RFX3: variants seen among roughly 807,000 people sequenced by gnomAD.
RFX3 encodes regulatory factor X3.
A neutral mutation model predicts 98.6 loss-of-function variants in RFX3; 14 were observed. The observed-to-expected ratio is 0.14, with a 90% confidence interval of 0.09 to 0.22. RFX3 has a LOEUF of 0.22. Ranked by LOEUF, RFX3 falls within the 10% of genes least tolerant of loss-of-function variation. The probability of loss-of-function intolerance (pLI) is 1.00; values close to 1 mark genes in which losing one functional copy is unlikely to be tolerated. For synonymous variants in RFX3, 383 were observed against 328.4 expected (o/e 1.17, Z -1.80); for missense variants, 639 against 926.9 (o/e 0.69, Z 4.03).
rs1036195078 is a variant in RFX3, at chr9:3,316,907, T to G, written c.474+13352A>C. On this transcript the variant is annotated intron_variant, in intron 4 of 16. Transcript: ENST00000617270. ...TGGAAGAATATTCCATAACCATGGA[T>G]AGGAAGAATCAATATCGTGAAAATG... is the stretch of plus-strand genomic sequence containing the variant. Among the ~76,000 whole-genome samples the G allele has an allele frequency of 3.9e-5, 6 of 152,226 alleles. No individual in the cohort carries two copies. In the South Asian group the frequency reaches 6.2e-4, roughly 16 times the overall value.
intron 2 of RFX3, among the ~76,000 whole-genome samples, chr9:3,393,456 T>C (rs989835820): frequency 1.3e-5 from 2 of 152,174 alleles, no homozygotes; most frequent in African/African-American, 4.8e-5. Flanking sequence ...CACACTCTTG[T>C]TAGTGATAGG....
At chr9:3,465,753 A>C (rs930660508) in intron 1 of RFX3, among the ~76,000 whole-genome samples, 1 of 152,184 alleles carries the variant, frequency 6.6e-6, no homozygotes, top group Non-Finnish European at 1.5e-5. Flanking sequence ...TAATAATACA[A>C]GATACTATAT....
chr9:3,470,564 T>C (rs986523478), intron 1 of RFX3, among the ~76,000 whole-genome samples: 1 of 151,968 alleles, frequency 6.6e-6, no homozygotes, highest in Non-Finnish European at 1.5e-5. Flanking sequence ...CCTGACCTCG[T>C]GATCCGCCCG....
intron 4 of RFX3, among the ~76,000 whole-genome samples, chr9:3,329,154 C>T (rs1005469822): frequency 6.6e-6 from 1 of 152,010 alleles, no homozygotes; most frequent in African/African-American, 2.4e-5. Flanking sequence ...TGCCTGTAAT[C>T]CCAGCACTTT....
chr9:3,313,323 C>A (rs1317339933), intron 4 of RFX3, among the ~76,000 whole-genome samples: 3 of 152,152 alleles, frequency 2.0e-5, no homozygotes, highest in African/African-American at 4.8e-5. Flanking sequence ...AGAAGGAAAA[C>A]TAACAAACAG....
At chr9:3,504,285 TA>T (rs1323648394) in intron 1 of RFX3, among the ~76,000 whole-genome samples, 42 of 107,358 alleles carry the variant, frequency 3.9e-4, no homozygotes, top group African/African-American at 1.6e-3. Flanking sequence ...ATATAACATA[TA>T]AAATATATAT....
chr9:3,356,941 A>G (rs1452309893), intron 2 of RFX3, among the ~76,000 whole-genome samples: 4 of 142,228 alleles, frequency 2.8e-5, no homozygotes, highest in Non-Finnish European at 6.0e-5. Flanking sequence ...TCATGATTAA[A>G]CACACACACA....
intron 3 of RFX3, 101 bp from the exon 4 acceptor site, chr9:3,330,618 C>T: frequency 9.0e-7 from 1 of 1,110,894 alleles, no homozygotes. Context: ...GTTGGCTTAG[C>T]CTTTGCAACA....
chr9:3,250,624 T>C (rs1041069206), intron 14 of RFX3, among the ~76,000 whole-genome samples: 2 of 152,026 alleles, frequency 1.3e-5, no homozygotes, highest in African/African-American at 2.4e-5. Flanking sequence ...TGACCAAAGA[T>C]AGTCACAACT....
At chr9:3,442,325 G>T (rs1042208944) in intron 1 of RFX3, among the ~76,000 whole-genome samples, 1 of 151,640 alleles carries the variant, frequency 6.6e-6, no homozygotes, top group African/African-American at 2.4e-5. Flanking sequence ...GATGAGAAAG[G>T]CACCTCTCCC....
At chr9:3,300,932 C>A (rs1326643749) in intron 5 of RFX3, among the ~76,000 whole-genome samples, 1 of 151,794 alleles carries the variant, frequency 6.6e-6, no homozygotes, top group Non-Finnish European at 1.5e-5. Context: ...AGCTTCAGGG[C>A]ATAGTAATGG....
At chr9:3,476,413 C>A (rs1225029404) in intron 1 of RFX3, among the ~76,000 whole-genome samples, 1 of 151,954 alleles carries the variant, frequency 6.6e-6, no homozygotes, top group Non-Finnish European at 1.5e-5. Flanking sequence ...TGGAAGGTAG[C>A]TAGTTTATCA....
intron 2 of RFX3, among the ~76,000 whole-genome samples, chr9:3,366,693 CCTTTCTTT>C (rs1202997871): frequency 0.078 from 6,672 of 85,410 alleles, 258 homozygotes; most frequent in East Asian, 0.092. Context: ...TTCTTTCTTT[CCTTTCTTT>C]CTTTCTTTCT....
intron 1 of RFX3, among the ~76,000 whole-genome samples, chr9:3,421,232 C>G (rs13297034): frequency 2.0e-5 from 3 of 151,876 alleles, no homozygotes; most frequent in Non-Finnish European, 2.9e-5. Context: ...GTTTACAGTA[C>G]GTTCTGAACT....
intron 4 of RFX3, among the ~76,000 whole-genome samples, chr9:3,309,159 T>C (rs1265284736): frequency 6.6e-6 from 1 of 152,276 alleles, no homozygotes; most frequent in East Asian, 1.9e-4. Context: ...ATGCCAAGCA[T>C]GCATATTTTG....
intron 13 of RFX3, among the ~76,000 whole-genome samples, chr9:3,258,666 CTG>C (rs1476444236): frequency 6.6e-6 from 1 of 151,840 alleles, no homozygotes; most frequent in African/African-American, 2.4e-5. Context: ...ATAGAAAAAA[CTG>C]TGAATACAAA....
At chr9:3,376,441 A>G (rs1474225711) in intron 2 of RFX3, among the ~76,000 whole-genome samples, 1 of 152,246 alleles carries the variant, frequency 6.6e-6, no homozygotes, top group East Asian at 1.9e-4. Flanking sequence ...AACCAACTAT[A>G]ATAAATATTG....
At chr9:3,429,170 C>G (rs1320115178) in intron 1 of RFX3, among the ~76,000 whole-genome samples, 1 of 151,188 alleles carries the variant, frequency 6.6e-6, no homozygotes, top group East Asian at 1.9e-4. Flanking sequence ...CTACAGGCGC[C>G]CGCCAACACG....
intron 6 of RFX3, among the ~76,000 whole-genome samples, chr9:3,292,829 T>G (rs371882960): frequency 6.6e-6 from 1 of 152,174 alleles, no homozygotes; most frequent in Admixed American, 6.5e-5. Flanking sequence ...CTAATTTCTA[T>G]GTAGTTTGAG....
Sources: allele counts gnomAD v4.1 joint callset (sites outside exome capture counted in the v4.1 genomes callset), GRCh38; gene constraint gnomAD v4.1.1; transcripts MANE v1.5; gene names NCBI Gene and HGNC (gene_info 2026-07-23, HGNC 2026-07-21).